FGGY: variants seen among roughly 807,000 people sequenced by gnomAD.
The protein encoded by FGGY is FGGY carbohydrate kinase domain-containing protein.
A neutral mutation model predicts 71.3 loss-of-function variants in FGGY; 72 were observed. That is an observed-to-expected ratio of 1.01 (90% confidence interval 0.84 to 1.23). FGGY has a LOEUF of 1.23. Among genes scored for constraint, FGGY ranks in the 50% most tolerant of loss-of-function variants. The pLI, the probability that FGGY is intolerant of heterozygous loss-of-function variation, is 0.00. For synonymous variants in FGGY, 251 were observed against 250.3 expected (o/e 1.00, Z -0.02); for missense variants, 668 against 682.3 (o/e 0.98, Z 0.23).
chr1:59,394,726 C>T lies in FGGY; in HGVS notation c.554+15889C>T, dbSNP rs371575820. Among the ~76,000 whole-genome samples, 8 of 152,204 alleles carry T rather than the reference C, an allele frequency of 5.3e-5. No individual in the cohort carries two copies. The South Asian group carries it at 1.7e-3, about 32-fold the overall frequency. On this transcript the variant is annotated intron_variant, in intron 5 of 15. Transcript: ENST00000303721. ...TAACTTCAGATTTGCATTGAAAAAC[C>T]CATGGACTATCACTTTACATATTTA...
At chr1:59,604,428 G>A (rs1384363557) in intron 8 of FGGY, among the ~76,000 whole-genome samples, 2 of 152,208 alleles carry the variant, frequency 1.3e-5, no homozygotes, top group African/African-American at 4.8e-5. Context: ...GGAGAAGCAT[G>A]TGCTATTCCA....
intron 5 of FGGY, among the ~76,000 whole-genome samples, chr1:59,404,635 G>C (rs926486210): frequency 1.3e-5 from 2 of 152,130 alleles, no homozygotes; most frequent in Non-Finnish European, 2.9e-5. Flanking sequence ...TGAGGCTGGA[G>C]GGGGAGAAGT....
At position 59,431,027 on chromosome 1, in the gene FGGY, AG is replaced by A. The variant is rs2067265014; in HGVS notation, c.555-25933del. Among the ~76,000 whole-genome samples, 3 of 152,152 alleles carry A rather than the reference AG, an allele frequency of 2.0e-5. 1 individual carries two copies. The highest frequency in any genetic ancestry group is 4.8e-5 in the African/African-American group (2 of 41,426). On this transcript the variant is annotated intron_variant, in intron 5 of 15. Coordinates refer to ENST00000303721, the MANE Select transcript of FGGY (RefSeq NM_018291.5). ...CATGCCTTCCATATCCATTACTGTT[AG>A]CTAAGTGGGGGACAATCTATATATT...
chr1:59,653,618 T>A (rs534739072), intron 11 of FGGY, among the ~76,000 whole-genome samples: 1 of 152,340 alleles, frequency 6.6e-6, no homozygotes, highest in Non-Finnish European at 1.5e-5. Flanking sequence ...GGCTTGCGCA[T>A]GGTGCTTGCA....
At chr1:59,589,530 G>C (rs1428699605) in intron 8 of FGGY, among the ~76,000 whole-genome samples, 1 of 152,106 alleles carries the variant, frequency 6.6e-6, no homozygotes, top group East Asian at 1.9e-4. Context: ...TGACCACATA[G>C]TTGGAAGTAA....
At chr1:59,540,039 G>C (rs766142743) in intron 7 of FGGY, among the ~76,000 whole-genome samples, 1 of 152,194 alleles carries the variant, frequency 6.6e-6, no homozygotes, top group East Asian at 1.9e-4. Flanking sequence ...TAGTCATTAG[G>C]AAAGTCCAAA....
At chr1:59,614,080 C>G (rs184395394) in intron 9 of FGGY, among the ~76,000 whole-genome samples, 4 of 152,294 alleles carry the variant, frequency 2.6e-5, no homozygotes, top group East Asian at 1.9e-4. Context: ...CAAGGAGGAA[C>G]TGGTACCACT....
intron 7 of FGGY, among the ~76,000 whole-genome samples, chr1:59,517,356 C>G: frequency 6.7e-6 from 1 of 148,914 alleles, no homozygotes. Flanking sequence ...AGCTCCGCCT[C>G]CCGGGTTCAC....
At chr1:59,664,375 G>A (rs1045417175) in intron 12 of FGGY, among the ~76,000 whole-genome samples, 2 of 152,304 alleles carry the variant, frequency 1.3e-5, no homozygotes, top group African/African-American at 2.4e-5. Flanking sequence ...AATTCCAGCC[G>A]ACAATACCAC....
intron 14 of FGGY, among the ~76,000 whole-genome samples, chr1:59,678,755 A>AC (rs1307808630): frequency 3.3e-5 from 5 of 151,192 alleles, no homozygotes; most frequent in Middle Eastern, 3.4e-3. Context: ...TTGAACCACC[A>AC]CCCCCCACCC....
intron 14 of FGGY, among the ~76,000 whole-genome samples, chr1:59,674,529 C>T (rs1361549351): frequency 2.6e-5 from 4 of 151,918 alleles, no homozygotes; most frequent in Non-Finnish European, 5.9e-5. Flanking sequence ...TTGAAGGCCT[C>T]TATCAACAAG....
chr1:59,439,888 G>A (rs906695204), intron 5 of FGGY, among the ~76,000 whole-genome samples: 4 of 151,962 alleles, frequency 2.6e-5, no homozygotes, highest in African/African-American at 4.8e-5. Context: ...GTAAGTGATC[G>A]TTGATTTTAG....
At position 59,501,053 on chromosome 1, in the gene FGGY, G is replaced by C. The variant is rs1008517023; in HGVS notation, c.671-11258G>C. ...AGTTAACACCAGATCCACTGACTGA[G>C]TGGTTCACCTGAGAGTTGCTGCTTG... On this transcript the variant is annotated intron_variant, in intron 6 of 15. Transcript: ENST00000303721. Among the ~76,000 whole-genome samples the C allele has an allele frequency of 5.9e-5, 9 of 152,310 alleles. No homozygotes were observed. In the East Asian group the frequency reaches 1.5e-3, roughly 26 times the overall value.
At chr1:59,417,284 A>G (rs2064636941) in intron 5 of FGGY, among the ~76,000 whole-genome samples, 1 of 152,194 alleles carries the variant, frequency 6.6e-6, no homozygotes, top group African/African-American at 2.4e-5. Context: ...GTTTTAATTG[A>G]TAATACTCTG....
intron 14 of FGGY, among the ~76,000 whole-genome samples, chr1:59,697,357 C>A (rs184659830): frequency 2.0e-5 from 3 of 152,094 alleles, no homozygotes; most frequent in African/African-American, 4.8e-5. Flanking sequence ...TGCATTGCCC[C>A]CTCCCCCAAC....
At chr1:59,517,894 A>T (rs908647361) in intron 7 of FGGY, among the ~76,000 whole-genome samples, 4 of 152,214 alleles carry the variant, frequency 2.6e-5, no homozygotes, top group Non-Finnish European at 5.9e-5. Flanking sequence ...GTCCCTATAC[A>T]ATAGTTATAC....
chr1:59,615,030 C>A (rs1295959457), intron 9 of FGGY, among the ~76,000 whole-genome samples: 3 of 152,158 alleles, frequency 2.0e-5, no homozygotes, highest in Non-Finnish European at 4.4e-5. Context: ...ACATTCCATG[C>A]TCATGGGTAG....
intron 8 of FGGY, among the ~76,000 whole-genome samples, chr1:59,559,943 G>A (rs554353998): frequency 6.6e-6 from 1 of 152,246 alleles, no homozygotes; most frequent in East Asian, 1.9e-4. Context: ...TTATATAAAT[G>A]TTCCACCATC....
intron 9 of FGGY, among the ~76,000 whole-genome samples, chr1:59,611,960 A>G (rs1028358107): frequency 1.3e-5 from 2 of 152,218 alleles, no homozygotes; most frequent in African/African-American, 4.8e-5. Context: ...AAAAGAATAA[A>G]AAGAGACGAA....
Sources: gnomAD v4.1 joint callset for allele counts (sites outside exome capture counted in the v4.1 genomes callset) on GRCh38, gnomAD v4.1.1 for gene constraint, MANE v1.5 for transcripts, NCBI Gene and HGNC (gene_info 2026-07-23, HGNC 2026-07-21) for gene names.